Variants in CYP4B1 observed in about 807,000 individuals in gnomAD.
CYP4B1 encodes the protein cytochrome P450 4B1.
A neutral mutation model predicts 54.0 loss-of-function variants in CYP4B1; 45 were observed. The ratio of observed to expected loss-of-function variants is 0.83; its 90% CI spans 0.66 to 1.07. The LOEUF (loss-of-function observed/expected upper bound fraction) is 1.07, where lower values mean the gene tolerates loss of function less well. Among genes scored for constraint, CYP4B1 ranks in the 50% least tolerant of loss-of-function variants. The pLI, the probability that CYP4B1 is intolerant of heterozygous loss-of-function variation, is 0.00. For missense variants in CYP4B1, 656 were observed against 655.4 expected (o/e 1.00, Z -0.01); for synonymous variants, 248 against 247.5 (o/e 1.00, Z -0.02).
intron 3 of CYP4B1, chr1:46,812,282 C>T (rs1219881722): frequency 4.4e-6 from 3 of 688,012 alleles, no homozygotes; most frequent in South Asian, 1.5e-5. Context: ...GTTATCCTGT[C>T]CTAAGGAAGG....
Position 46,816,994 on chromosome 1 carries a change from C to T in CYP4B1, c.1074-54C>T, listed in dbSNP as rs181704175. The stretch of plus-strand genomic sequence containing the variant: ...AAACTGGGGCTGGGGTCTGCTTTCT[C>T]GCCAAATCCTGTTGCTTCCCATTCC... On this transcript the variant is annotated intron_variant, in intron 8 of 11. Transcript: ENST00000371923. The T allele has an allele frequency of 4.5e-3, 7,205 of 1,600,010 alleles. 23 individuals are homozygous for T. The highest frequency in any genetic ancestry group is 5.5e-3 in the Non-Finnish European group (6,488 of 1,169,914).
chr1:46,810,763 G>A, intron 1 of CYP4B1, 45 bp from the exon 2 acceptor site: 1 of 1,611,754 alleles, frequency 6.2e-7, no homozygotes, highest in Non-Finnish European at 8.5e-7. Flanking sequence ...CCTAGCTGGT[G>A]ACAATGTGTT....
intron 7 of CYP4B1, among the ~76,000 whole-genome samples, chr1:46,814,543 G>T (rs1467506024): frequency 6.6e-6 from 1 of 152,164 alleles, no homozygotes; most frequent in Non-Finnish European, 1.5e-5. Context: ...GTAGTGGCTG[G>T]ACGACATTTC....
intron 3 of CYP4B1, 33 bp from the exon 4 acceptor site, chr1:46,812,463 T>A (rs1679145055): frequency 2.5e-6 from 4 of 1,596,534 alleles, no homozygotes; most frequent in Non-Finnish European, 3.4e-6. Context: ...GGGCCTGGAC[T>A]GACCAGCCCT....
In CYP4B1 at chr1:46,799,110, TCTC is replaced by T. The variant is rs1344545131; in HGVS notation, c.35_37del (p.Ser12del). 1 of 1,614,048 alleles carries T rather than the reference TCTC, an allele frequency of 6.2e-7. No homozygotes were observed. Among genetic ancestry groups the T allele is most frequent in the South Asian group, 1.1e-5 (1 of 91,010 alleles). ...GTGCCCAGCTTCCTCTCCCTGAGCT[TCTC>T]CTCCTTGGGCCTGTGGGCTTCTGGG... On this transcript the variant is annotated inframe_deletion, in exon 1 of 12. Transcript: ENST00000371923.
chr1:46,812,390 C>A lies in CYP4B1; in HGVS notation c.368-106C>A, dbSNP rs911978079. On this transcript the variant is annotated intron_variant, in intron 3 of 11. Coordinates refer to ENST00000371923, the MANE Select transcript of CYP4B1 (RefSeq NM_001099772.2). The stretch of plus-strand genomic sequence containing the variant: ...CAATACTGGGTCGCTTAGTGGCCCA[C>A]CCTTGGAGGGTTCCAGGCTCAGGGA... 90 of 1,385,552 alleles carry A rather than the reference C, an allele frequency of 6.5e-5. No homozygotes were observed. In the African/African-American group the frequency reaches 1.0e-3, roughly 16 times the overall value. 85.8% of individuals were successfully genotyped at this position (1,385,552 alleles called of 1,614,324 possible). A position where few individuals can be genotyped will look rare whatever the true frequency, so the allele number is the denominator to read the frequency against.
chr1:46,817,513 G>A (rs761306186), intron 9 of CYP4B1, among the ~76,000 whole-genome samples: 2 of 152,226 alleles, frequency 1.3e-5, no homozygotes, highest in Non-Finnish European at 2.9e-5. Flanking sequence ...AGACTATGAT[G>A]CTGTGCAGTG....
chr1:46,818,571 C>A, intron 11 of CYP4B1, 60 bp from the exon 12 acceptor site: 2 of 1,538,736 alleles, frequency 1.3e-6, no homozygotes, highest in South Asian at 1.1e-5. Context: ...GCTAAGAGCA[C>A]TGAATGTCAT....
chr1:46,810,854 A>G lies in CYP4B1; in HGVS notation c.227A>G (p.Gln76Arg). ...GACAAAGTGGTGTCCTGGGCCCACC[A>G]GTTCCCGTATGCCCACCCACTCTGG... ...SLDKVVSWAH[Q>R]FPYAHPLWFG... The change falls in exon 2 of 12, where the codon CAG (glutamine) becomes CGG (arginine). Residue 76 changes from glutamine (Q) to arginine (R), a missense_variant. Physicochemically the swap from Gln to Arg is conservative, Grantham distance 43. Transcript: ENST00000371923. The G allele has an allele frequency of 1.2e-6, 2 of 1,614,140 alleles. No individual in the cohort carries two copies. Among genetic ancestry groups the G allele is most frequent in the Non-Finnish European group, 1.7e-6 (2 of 1,179,992 alleles).
rs771109140 is a variant in CYP4B1, at chr1:46,815,219, G to A, written c.1028G>A (p.Arg343Lys). Residue 343 changes from arginine (R) to lysine (K), a missense_variant, in exon 8 of 12, where the codon AGA (arginine) becomes AAA (lysine). Transcript: ENST00000371923. ...TACCCTGAGCACCAGCATCGTTGTAGAGAGGAGGTCCGCGAGATCCTAGGG... is the reference window on the plus strand; with the variant it reads ...TACCCTGAGCACCAGCATCGTTGTAAAGAGGAGGTCCGCGAGATCCTAGGG... ...ALYPEHQHRC[R>K]EEVREILGDQ... The A allele has an allele frequency of 1.1e-5, 17 of 1,597,204 alleles. No individual in the cohort carries two copies. Among genetic ancestry groups the A allele is most frequent in the East Asian group, 4.5e-5 (2 of 44,396 alleles).
Position 46,812,572 on chromosome 1 carries a change from T to C in CYP4B1, c.444T>C (p.Asp148=), listed in dbSNP as rs1679155383. 1 of 1,614,176 alleles carries C rather than the reference T, an allele frequency of 6.2e-7. No individual in the cohort carries two copies. The highest frequency in any genetic ancestry group is 8.5e-7 in the Non-Finnish European group (1 of 1,180,008). ...RKLLTPGFHY[D]VLKPYVAVFT... is the part of the protein sequence containing the mutation. ...TGCTCACACCTGGCTTTCATTATGA[T>C]GTGCTGAAGCCCTATGTGGCCGTGT... Residue 148 remains aspartate, a synonymous_variant, in exon 4 of 12, where the codon GAT becomes GAC. Coordinates refer to ENST00000371923, the MANE Select transcript of CYP4B1 (RefSeq NM_001099772.2).
intron 8 of CYP4B1, 143 bp downstream of exon 8, chr1:46,815,407 G>C (rs1197603412): frequency 2.8e-6 from 2 of 715,994 alleles, no homozygotes; most frequent in African/African-American, 1.8e-5. Context: ...GTGGTGGTGG[G>C]GGGTGGGGAG....
intron 1 of CYP4B1, among the ~76,000 whole-genome samples, chr1:46,800,620 G>A (rs1012721412): frequency 2.0e-5 from 3 of 152,108 alleles, no homozygotes; most frequent in Admixed American, 6.6e-5. Context: ...GTGAGCCACC[G>A]CGCCTGGCTG....
At chr1:46,806,155 G>A (rs1169460686) in intron 1 of CYP4B1, among the ~76,000 whole-genome samples, 1 of 152,188 alleles carries the variant, frequency 6.6e-6, no homozygotes, top group East Asian at 1.9e-4. Flanking sequence ...TGAGCACTTG[G>A]GCAGGGATTC....
In CYP4B1 at chr1:46,810,912, T is replaced by C. The variant is rs150307866; in HGVS notation, c.285T>C (p.Tyr95=). Residue 95 remains tyrosine, a synonymous_variant, in exon 2 of 12, where the codon TAT becomes TAC. Coordinates refer to ENST00000371923, the MANE Select transcript of CYP4B1 (RefSeq NM_001099772.2). ...FGQFIGFLNI[Y]EPDYAKAVYS... ...AGTTCATTGGCTTCCTGAACATCTA[T>C]GAGCCTGACTATGCCAAAGCTGTGT... 12 of 1,613,936 alleles carry C rather than the reference T, an allele frequency of 7.4e-6. No individual in the cohort carries two copies. The Admixed American group carries it at 1.5e-4, about 20-fold the overall frequency.
chr1:46,800,249 C>T (rs1569847342), intron 1 of CYP4B1, among the ~76,000 whole-genome samples: 1 of 52,674 alleles, frequency 1.9e-5, no homozygotes. Context: ...TTCCTTCCTT[C>T]CTTCCTTCCT....
intron 1 of CYP4B1, chr1:46,806,798 G>A (rs1678879309): frequency 6.6e-6 from 1 of 152,230 alleles, no homozygotes; most frequent in African/African-American, 2.4e-5. Context: ...CTCTCTTCCT[G>A]TTTCCTTCCT....
intron 3 of CYP4B1, 160 bp from the exon 4 acceptor site, chr1:46,812,336 C>T (rs1679136728): frequency 1.3e-6 from 1 of 795,940 alleles, no homozygotes; most frequent in Admixed American, 2.0e-5. Context: ...TCCTGAGGTC[C>T]TGGTAGCCTA....
chr1:46,812,135 G>A (rs1406372638), intron 3 of CYP4B1: 5 of 474,896 alleles, frequency 1.1e-5, no homozygotes, highest in Admixed American at 2.3e-5. Flanking sequence ...GCAGCTGAGA[G>A]TCAAGGCTCA....
Sources: allele counts gnomAD v4.1 joint callset (sites outside exome capture counted in the v4.1 genomes callset), GRCh38; gene constraint gnomAD v4.1.1; transcripts MANE v1.5; gene names NCBI Gene and HGNC (gene_info 2026-07-23, HGNC 2026-07-21).